PUS7: variants seen among roughly 807,000 people sequenced by gnomAD.
The protein encoded by PUS7 is pseudouridine synthase 7.
PUS7 carries 48 observed loss-of-function variants against 79.8 expected under a neutral mutation model. The ratio of observed to expected loss-of-function variants is 0.60; its 90% confidence interval spans 0.48 to 0.76. The LOEUF (loss-of-function observed/expected upper bound fraction) is 0.76. Among genes scored for constraint, PUS7 ranks in the 30% least tolerant of loss-of-function variants. The probability of loss-of-function intolerance (pLI) is 0.00; values close to 1 mark genes in which losing one functional copy is unlikely to be tolerated. For missense variants in PUS7, 729 were observed against 797.6 expected, an observed-to-expected ratio of 0.91 and a Z score of 1.04; for synonymous variants, 286 against 272.2, an observed-to-expected ratio of 1.05 and a Z score of -0.50.
At chr7:105,504,815 T>G (rs983541391) in intron 4 of PUS7, among the ~76,000 whole-genome samples, 2 of 152,110 alleles carry the variant, frequency 1.3e-5, no homozygotes, top group African/African-American at 4.8e-5. Flanking sequence ...TTTTCAGTAA[T>G]GGAAGATTTC....
At position 105,482,444 on chromosome 7, in the gene PUS7, T is replaced by TA. The variant is rs57080279; in HGVS notation, c.921-5dup. On this transcript the variant is annotated splice_region_variant and splice_polypyrimidine_tract_variant and intron_variant, in intron 7 of 15. Transcript: ENST00000469408. ...GGCAAGTCTTTGTGCAGTTATTCTT[T>TA]AAAAAAAAAAAAAAAAGCAACAAAA... The TA allele has an allele frequency of 0.026, 36,177 of 1,416,164 alleles. 1 individual carries two copies. The highest frequency in any genetic ancestry group is 0.028 in the Non-Finnish European group (29,150 of 1,049,774). The allele number at this position is 1,416,164 out of a possible 1,614,324, so 87.7% of individuals were successfully genotyped here. A position where few individuals can be genotyped will look rare whatever the true frequency, so the allele number is the denominator to read the frequency against.
At chr7:105,502,238 C>T (rs1451069431) in intron 5 of PUS7, among the ~76,000 whole-genome samples, 182 bp downstream of exon 5, 1 of 152,158 alleles carries the variant, frequency 6.6e-6, no homozygotes, top group African/African-American at 2.4e-5. Context: ...GCCAGGCAGG[C>T]TGCAGGACTG....
chr7:105,499,451 C>T (rs1373355739), intron 5 of PUS7, among the ~76,000 whole-genome samples: 1 of 152,030 alleles, frequency 6.6e-6, no homozygotes, highest in Non-Finnish European at 1.5e-5. Flanking sequence ...CTTTTTTTTA[C>T]ATAAGTCTTT....
Position 105,470,789 on chromosome 7 carries a change from C to T in PUS7, c.1297G>A (p.Ala433Thr). ...TTGACAGGTAGTTTTCTGAGGGCAGCAGTTGGGTCTTTGGTCTTTGCCCAT... is the reference window on the plus strand; with the variant it reads ...TTGACAGGTAGTTTTCTGAGGGCAGTAGTTGGGTCTTTGGTCTTTGCCCAT... ...EEWAKTKDPT[A>T]ALRKLPVKRC... The change falls in exon 11 of 16, where the codon GCT becomes ACT. Residue 433 changes from alanine (A) to threonine (T), a missense_variant. Ala to Thr is a moderately conservative substitution (Grantham distance 58). Transcript: ENST00000469408. 1 of 1,612,442 alleles carries T rather than the reference C, an allele frequency of 6.2e-7. No individual in the cohort carries two copies. Among genetic ancestry groups the T allele is most frequent in the Non-Finnish European group, 8.5e-7 (1 of 1,178,698 alleles).
intron 5 of PUS7, chr7:105,496,887 T>C: frequency 1.0e-5 from 11 of 1,071,508 alleles, no homozygotes; most frequent in Non-Finnish European, 1.3e-5. Context: ...AAGTTGTCTA[T>C]ACTTAGCACT....
At chr7:105,513,837 C>CAA (rs563422686) in intron 1 of PUS7, among the ~76,000 whole-genome samples, 4 of 83,632 alleles carry the variant, frequency 4.8e-5, no homozygotes, top group East Asian at 3.6e-4. Context: ...GACTCCGTCT[C>CAA]AAAAAAAAAA....
chr7:105,489,948 A>G (rs558746127), intron 7 of PUS7, among the ~76,000 whole-genome samples: 117 of 152,132 alleles, frequency 7.7e-4, no homozygotes, highest in African/African-American at 2.8e-3. Flanking sequence ...GCGAAACTCC[A>G]TCTCTACTTA....
chr7:105,477,454 T>G (rs564743646), intron 9 of PUS7, among the ~76,000 whole-genome samples: 9 of 152,130 alleles, frequency 5.9e-5, no homozygotes, highest in African/African-American at 2.2e-4. Flanking sequence ...TTCACTATGT[T>G]GGCCAGGCTG....
chr7:105,472,610 A>C (rs1450023954), intron 9 of PUS7, among the ~76,000 whole-genome samples: 1 of 152,214 alleles, frequency 6.6e-6, no homozygotes, highest in African/African-American at 2.4e-5. Flanking sequence ...AAGAACTTCA[A>C]GTGCCAAAAG....
chr7:105,507,202 C>T (rs932307521), intron 2 of PUS7, among the ~76,000 whole-genome samples: 2 of 152,034 alleles, frequency 1.3e-5, no homozygotes, highest in East Asian at 1.9e-4. Flanking sequence ...CGTGCCACTA[C>T]GCCAGGCTAA....
chr7:105,472,312 G>C (rs940202695), intron 9 of PUS7, 119 bp from the exon 10 acceptor site: 2 of 605,838 alleles, frequency 3.3e-6, no homozygotes, highest in African/African-American at 3.8e-5. Context: ...GACCTCCCAG[G>C]CTCTACTCCC....
chr7:105,472,278 A>T, intron 9 of PUS7, 85 bp from the exon 10 acceptor site: 2 of 803,248 alleles, frequency 2.5e-6, no homozygotes, highest in Non-Finnish European at 2.1e-6. Flanking sequence ...TCAACAAATC[A>T]TATTAACTAT....
At chr7:105,507,467 C>T (rs964475094) in intron 2 of PUS7, among the ~76,000 whole-genome samples, 3 of 152,080 alleles carry the variant, frequency 2.0e-5, no homozygotes, top group African/African-American at 4.8e-5. Context: ...AGTTGTGGCA[C>T]ATTCAAATGA....
At chr7:105,505,077 T>A (rs1376241675) in intron 4 of PUS7, among the ~76,000 whole-genome samples, 1 of 150,168 alleles carries the variant, frequency 6.7e-6, no homozygotes, top group Non-Finnish European at 1.5e-5. Flanking sequence ...CTCTGCTCGC[T>A]GCAACCTCTG....
At chr7:105,467,434 C>T (rs1219220456) in intron 12 of PUS7, among the ~76,000 whole-genome samples, 1 of 151,588 alleles carries the variant, frequency 6.6e-6, no homozygotes, top group East Asian at 2.0e-4. Context: ...GGACTACAGG[C>T]GCCTGCCACC....
At chr7:105,495,854 C>T (rs528064567) in intron 5 of PUS7, among the ~76,000 whole-genome samples, 26 of 152,110 alleles carry the variant, frequency 1.7e-4, no homozygotes, top group African/African-American at 5.8e-4. Context: ...GTTGTTCAAT[C>T]CTGTGTTAAA....
chr7:105,471,991 T>C (rs1190077379), intron 10 of PUS7, 141 bp downstream of exon 10: 6 of 559,772 alleles, frequency 1.1e-5, no homozygotes, highest in Non-Finnish European at 1.9e-5. Context: ...AAAATATAAA[T>C]AAACTTATAC....
chr7:105,482,579 A>G (rs1414638108), intron 7 of PUS7, 139 bp from the exon 8 acceptor site: 10 of 826,798 alleles, frequency 1.2e-5, no homozygotes, highest in African/African-American at 1.7e-5. Flanking sequence ...GCACTGCAGC[A>G]GGTGAGGTGG....
At position 105,521,900 on chromosome 7, in the gene PUS7, T is replaced by A. The variant is rs1470651477; in HGVS notation, c.-33+152A>T. ...GTGCTCCCGCTGGCACGATCCATAA[T>A]GGAGGCGCCGCGGGCTCTGACCACT... is the stretch of plus-strand genomic sequence containing the variant. On this transcript the variant is annotated intron_variant, in intron 1 of 15. Coordinates refer to ENST00000469408, the MANE Select transcript of PUS7 (RefSeq NM_019042.5). 1.1e-4 allele frequency among the ~76,000 whole-genome samples: 17 copies of A among 150,496 alleles called. No homozygotes were observed. In the East Asian group the frequency reaches 2.9e-3, roughly 26 times the overall value.
Sources: allele counts gnomAD v4.1 joint callset (sites outside exome capture counted in the v4.1 genomes callset), GRCh38; gene constraint gnomAD v4.1.1; transcripts MANE v1.5; gene names NCBI Gene and HGNC (gene_info 2026-07-23, HGNC 2026-07-21).